The following UROD variants were observed in gnomAD, a reference collection of about 807,000 sequenced individuals.
The protein encoded by UROD is uroporphyrinogen III decarboxylase.
Under a neutral mutation model 47.1 loss-of-function variants are expected in UROD, and 34 were observed. The ratio of observed to expected loss-of-function variants is 0.72; its 90% CI spans 0.55 to 0.96. The LOEUF (loss-of-function observed/expected upper bound fraction) is 0.96. UROD is among the 40% of genes least tolerant of loss of function. UROD has a pLI of 0.00. For missense variants in UROD, 381 were observed against 471.8 expected (o/e 0.81, Z 1.78); for synonymous variants, 148 against 175.8 (o/e 0.84, Z 1.25).
chr1:45,013,498 G>T lies in UROD; in HGVS notation c.277-96G>T, dbSNP rs1050473828. 1.1e-5 allele frequency: 17 copies of T among 1,605,690 alleles called. No individual in the cohort carries two copies. In the South Asian group the frequency reaches 1.8e-4, roughly 17 times the overall value. ...GTTGAAAGAAATGGAGTTTGGCAGA[G>T]TTTTATTCTCCTTTTCCTTCCTCCT... On this transcript the variant is annotated intron_variant, in intron 4 of 9. Coordinates refer to ENST00000246337, the MANE Select transcript of UROD (RefSeq NM_000374.5). This position sits in a 1 kb window ranked among gnomAD's most constrained non-coding sequence, Gnocchi z 4.2.
In UROD at chr1:45,012,483, G is replaced by T. The variant is rs189131876; in HGVS notation, c.20+198G>T. Reference sequence around the variant, plus strand: ...GGCCTTAATTCAAGGGATGCCTCAGGATTTCCAACCAGGATCTCTATTCTG... The same window carrying T: ...GGCCTTAATTCAAGGGATGCCTCAGTATTTCCAACCAGGATCTCTATTCTG... On this transcript the variant is annotated intron_variant, in intron 1 of 9. Coordinates refer to ENST00000246337, the MANE Select transcript of UROD (RefSeq NM_000374.5). 1.3e-3 allele frequency among the ~76,000 whole-genome samples: 205 copies of T among 152,260 alleles called. 1 individual carries two copies. The highest frequency in any genetic ancestry group is 2.3e-3 in the Non-Finnish European group (155 of 68,016).
At chr1:45,012,378 C>A in intron 1 of UROD, 93 bp downstream of exon 1, 1 of 1,569,666 alleles carries the variant, frequency 6.4e-7, no homozygotes, top group African/African-American at 1.3e-5. Context: ...CTTTCCCCAC[C>A]CTGGAGACCT....
rs748209205 is a variant in UROD at position 45,013,970 on chromosome 1, G to A, written c.536G>A (p.Arg179His). 6.2e-6 allele frequency: 10 copies of A among 1,614,120 alleles called. No individual in the cohort carries two copies. In the Admixed American group the frequency reaches 6.7e-5, roughly 11 times the overall value. ...TCAAGCACCATGGCTCAGGCCAAGCGCTGGCTCTATCAGAGACCTCAGGCT... is the reference window on the plus strand; with the variant it reads ...TCAAGCACCATGGCTCAGGCCAAGCACTGGCTCTATCAGAGACCTCAGGCT... ...GGSSTMAQAK[R>H]WLYQRPQASH... The change falls in exon 6 of 10, where the codon CGC (arginine) becomes CAC (histidine). Residue 179 changes from arginine (R) to histidine (H), a missense_variant. By Grantham distance (29) the Arg-to-His change is conservative. Transcript: ENST00000246337. This position sits in a 1 kb window ranked among gnomAD's most constrained non-coding sequence, Gnocchi z 4.2.
rs771870593 is a variant in UROD, at chr1:45,015,345, C to T, written c.951C>T (p.Ile317=). 1.1e-5 allele frequency: 17 copies of T among 1,613,836 alleles called. No individual in the cohort carries two copies. The highest frequency in any genetic ancestry group is 1.0e-4 in the Admixed American group (6 of 59,982). The part of the protein sequence containing the change: ...PCALYASEEE[I]GQLVKQMLDD... ...CCCTGTTGGTCCCCCAGGAGGAGAT[C>T]GGGCAGTTGGTGAAGCAGATGCTGG... The change falls in exon 10 of 10, where the codon ATC becomes ATT. Residue 317 remains isoleucine, a synonymous_variant. Transcript: ENST00000246337.
At chr1:45,012,832 C>T (rs1307514995) in intron 1 of UROD, 75 bp from the exon 2 acceptor site, 1 of 1,589,836 alleles carries the variant, frequency 6.3e-7, no homozygotes, top group Non-Finnish European at 8.6e-7. Context: ...ACTGAATCGG[C>T]CTTATGAACC....
At chr1:45,012,744 G>A (rs1256152987) in intron 1 of UROD, 163 bp from the exon 2 acceptor site, 42 of 1,460,214 alleles carry the variant, frequency 2.9e-5, no homozygotes, top group Non-Finnish European at 3.3e-5. Context: ...TGCACCACCT[G>A]ATAGGCAGAG....
chr1:45,014,294 A>ATTT, intron 6 of UROD, 145 bp from the exon 7 acceptor site: 1 of 1,068,692 alleles, frequency 9.4e-7, no homozygotes, highest in Non-Finnish European at 1.3e-6. Flanking sequence ...AGGAAAGTAA[A>ATTT]TTTTTTTTTT....
rs747391799 is a variant in UROD, at chr1:45,014,809, A to C, written c.848A>C (p.Asp283Ala). The C allele has an allele frequency of 6.2e-7, 1 of 1,614,206 alleles. No individual in the cohort carries two copies. Among genetic ancestry groups the C allele is most frequent in the Non-Finnish European group, 8.5e-7 (1 of 1,180,046 alleles). ...GCTGGCTATGAGGTGGTTGGGCTTG[A>C]CTGGACAGTGGCCCCAAAGAAAGCC... Reference protein sequence around the residue: ...AQAGYEVVGLDWTVAPKKARE... With the variant: ...AQAGYEVVGLAWTVAPKKARE... Residue 283 changes from aspartate (D) to alanine (A), a missense_variant, in exon 8 of 10, where the codon GAC becomes GCC. Physicochemically the swap from Asp to Ala is moderately radical, Grantham distance 126. Coordinates refer to ENST00000246337, the MANE Select transcript of UROD (RefSeq NM_000374.5).
At chr1:45,012,810 T>C (rs1307295751) in intron 1 of UROD, 97 bp from the exon 2 acceptor site, 2 of 1,564,344 alleles carry the variant, frequency 1.3e-6, no homozygotes, top group Non-Finnish European at 1.7e-6. Context: ...AGGAGGTAGA[T>C]AGCGGTCCTG....
chr1:45,014,540 C>T lies in UROD; in HGVS notation c.738C>T (p.Ala246=), dbSNP rs757178659. ...YIRDVAKQVK[A]RLREAGLAPV... is the part of the protein sequence containing the mutation. ...GTGATGTGGCCAAGCAAGTGAAGGC[C>T]AGGTTGCGGGAGGCAGGCCTGGCAC... Residue 246 remains alanine (A), a synonymous_variant, in exon 7 of 10, where the codon GCC becomes GCT. Transcript: ENST00000246337. The T allele has an allele frequency of 5.6e-6, 9 of 1,614,070 alleles. No individual in the cohort carries two copies. The highest frequency in any genetic ancestry group is 5.3e-5 in the African/African-American group (4 of 74,916).
At chr1:45,014,400 TTG>T in intron 6 of UROD, 37 bp from the exon 7 acceptor site, 3 of 1,613,876 alleles carry the variant, frequency 1.9e-6, no homozygotes, top group Non-Finnish European at 2.5e-6. Flanking sequence ...AACTTCCTCT[TTG>T]TGTGTTACAT....
Position 45,015,324 on chromosome 1 carries a change from G to A in UROD, c.943-13G>A. 6.2e-7 allele frequency: 1 copy of A among 1,613,764 alleles called. No individual in the cohort carries two copies. Among genetic ancestry groups the A allele is most frequent in the Non-Finnish European group, 8.5e-7 (1 of 1,179,944 alleles). ...CTGGTCCTCCTGTAGCCAGTGCCCT[G>A]TTGGTCCCCCAGGAGGAGATCGGGC... On this transcript the variant is annotated splice_polypyrimidine_tract_variant and intron_variant, in intron 9 of 9. Coordinates refer to ENST00000246337, the MANE Select transcript of UROD (RefSeq NM_000374.5).
chr1:45,013,082 G>A lies in UROD; in HGVS notation c.134-54G>A, dbSNP rs375250242. The A allele has an allele frequency of 2.8e-5, 45 of 1,614,032 alleles. No homozygotes were observed. In the African/African-American group the frequency reaches 6.0e-4, roughly 22 times the overall value. On this transcript the variant is annotated intron_variant, in intron 2 of 9. Coordinates refer to ENST00000246337, the MANE Select transcript of UROD (RefSeq NM_000374.5). The surrounding 1 kb of genome is among the most constrained non-coding windows in gnomAD (Gnocchi z 4.2). ...GAGGGAGAAAAGTTTTCGAGGGGCAGGGGAGGGCTCTGGAGGGCCTCAAGG... is the reference window on the plus strand; with the variant it reads ...GAGGGAGAAAAGTTTTCGAGGGGCAAGGGAGGGCTCTGGAGGGCCTCAAGG...
intron 1 of UROD, chr1:45,012,684 A>C: frequency 1.1e-6 from 1 of 871,560 alleles, no homozygotes; most frequent in Non-Finnish European, 1.7e-6. Flanking sequence ...TTGGAAGAGT[A>C]GAGACTAAGT....
chr1:45,015,072 T>C, intron 9 of UROD, 66 bp downstream of exon 9: 5 of 1,606,646 alleles, frequency 3.1e-6, no homozygotes, highest in Non-Finnish European at 4.3e-6. Flanking sequence ...TGTATTATTC[T>C]GTGTGCACTT....
At chr1:45,012,309 G>A (rs1049056955) in intron 1 of UROD, 24 bp downstream of exon 1, 2 of 1,614,148 alleles carry the variant, frequency 1.2e-6, no homozygotes, top group East Asian at 2.2e-5. Context: ...AGCACGCGGT[G>A]TGGCTAGCCG....
rs751755071 is a variant in UROD, at chr1:45,012,292, T to A, written c.20+7T>A. The A allele has an allele frequency of 2.5e-6, 4 of 1,613,808 alleles. No individual in the cohort carries two copies. Among genetic ancestry groups the A allele is most frequent in the African/African-American group, 1.3e-5 (1 of 74,866 alleles). On this transcript the variant is annotated splice_region_variant and intron_variant, in intron 1 of 9. Transcript: ENST00000246337. ...TGGAAGCGAATGGGTTGGGGTGAGT[T>A]CTCCAGAGCACGCGGTGTGGCTAGC...
In UROD at chr1:45,013,012, C is replaced by T. The variant is rs1357926094; in HGVS notation, c.126C>T (p.Tyr42=). ...PVWCMRQAGR[Y]LPEFRETRAA... Reference sequence around the variant, plus strand: ...GGTGCATGCGCCAGGCAGGCCGTTACTTACCAGGTAAGAGTCAGGGTCTGG... The same window carrying T: ...GGTGCATGCGCCAGGCAGGCCGTTATTTACCAGGTAAGAGTCAGGGTCTGG... The change falls in exon 2 of 10, where the codon TAC becomes TAT. Residue 42 remains tyrosine, a synonymous_variant. Coordinates refer to ENST00000246337, the MANE Select transcript of UROD (RefSeq NM_000374.5). This position sits in a 1 kb window ranked among gnomAD's most constrained non-coding sequence, Gnocchi z 4.2. 6.2e-7 allele frequency: 1 copy of T among 1,614,112 alleles called. No homozygotes were observed. Among genetic ancestry groups the T allele is most frequent in the Non-Finnish European group, 8.5e-7 (1 of 1,180,030 alleles).
At position 45,013,489 on chromosome 1, in the gene UROD, T is replaced by C. The variant is rs933283626; in HGVS notation, c.277-105T>C. On this transcript the variant is annotated intron_variant, in intron 4 of 9. Coordinates refer to ENST00000246337, the MANE Select transcript of UROD (RefSeq NM_000374.5). This position sits in a 1 kb window ranked among gnomAD's most constrained non-coding sequence, Gnocchi z 4.2. ...AAAACTAAGGTTGAAAGAAATGGAG[T>C]TTGGCAGAGTTTTATTCTCCTTTTC... 5.6e-6 allele frequency: 9 copies of C among 1,602,268 alleles called. No individual in the cohort carries two copies. In the South Asian group the frequency reaches 8.8e-5, roughly 16 times the overall value.
Sources: gnomAD v4.1 joint callset for allele counts (sites outside exome capture counted in the v4.1 genomes callset) on GRCh38, gnomAD v4.1.1 for gene constraint, Gnocchi (gnomAD v3.1) non-coding constraint, MANE v1.5 for transcripts, NCBI Gene and HGNC (gene_info 2026-07-23, HGNC 2026-07-21) for gene names.